Variants in LCP2 observed in about 807,000 individuals in gnomAD.
The protein encoded by LCP2 is lymphocyte cytosolic protein 2.
Under a neutral mutation model 74.5 loss-of-function variants are expected in LCP2, and 29 were observed. The observed-to-expected ratio is 0.39, with a 90% confidence interval of 0.29 to 0.53. The LOEUF is 0.53. Ranked by LOEUF, LCP2 falls within the 20% of genes least tolerant of loss-of-function variation. The pLI, the probability that LCP2 is intolerant of heterozygous loss-of-function variation, is 0.72. For synonymous variants in LCP2, 228 were observed against 229.5 expected (o/e 0.99, Z 0.06); for missense variants, 604 against 634.6 (o/e 0.95, Z 0.52).
rs994561005 is a variant in LCP2 at position 170,248,730 on chromosome 5, C to T, written c.1569G>A (p.Gln523=). ...ACCCTGCAGCATGCGTTAATGTGCA[C>T]TGGTATCTGGAACCTCGGTTTTTCC... ...IDGKNRGSRY[Q]CTLTHAAGYP is the part of the protein sequence containing the mutation. The change falls in exon 21 of 21, where the codon CAG becomes CAA. Residue 523 remains glutamine (Q), a synonymous_variant. Coordinates refer to ENST00000046794, the MANE Select transcript of LCP2 (RefSeq NM_005565.5). 3 of 1,610,764 alleles carry T rather than the reference C, an allele frequency of 1.9e-6. No homozygotes were observed. The highest frequency in any genetic ancestry group is 1.7e-4 in the Middle Eastern group (1 of 6,050).
chr5:170,296,226 G>A lies in LCP2; in HGVS notation c.78+1308C>T, dbSNP rs1392681624. 3.9e-5 allele frequency among the ~76,000 whole-genome samples: 6 copies of A among 152,150 alleles called. No homozygotes were observed. The East Asian group carries it at 7.7e-4, about 20-fold the overall frequency. On this transcript the variant is annotated intron_variant, in intron 1 of 20. Transcript: ENST00000046794. ...AAACATCCTTCAAAAAACCAGTTGCGCAACAATATTTGCTGAAATCTAAGT... is the reference window on the plus strand; with the variant it reads ...AAACATCCTTCAAAAAACCAGTTGCACAACAATATTTGCTGAAATCTAAGT...
Position 170,258,893 on chromosome 5 carries a change from A to C in LCP2, c.958-15T>G, listed in dbSNP as rs888673944. On this transcript the variant is annotated splice_polypyrimidine_tract_variant and intron_variant, in intron 14 of 20. Transcript: ENST00000046794. The stretch of plus-strand genomic sequence containing the variant: ...TCATCTTCATCCTGGGAAGGGGAAG[A>C]AAAAAAAAGATATTAAGCTATCATC... 1.7e-5 allele frequency: 25 copies of C among 1,511,924 alleles called. No individual in the cohort carries two copies. The highest frequency in any genetic ancestry group is 2.3e-5 in the Non-Finnish European group (25 of 1,102,634). The allele number at this position is 1,511,924 out of a possible 1,614,324, so 93.7% of individuals were successfully genotyped here. A position where few individuals can be genotyped will look rare whatever the true frequency, so the allele number is the denominator to read the frequency against.
rs1761325884 is a variant in LCP2, at chr5:170,247,517, TA to T, written c.*1179del. 6.6e-6 allele frequency: 1 copy of T among 152,198 alleles called. No homozygotes were observed. The highest frequency in any genetic ancestry group is 6.5e-5 in the Admixed American group (1 of 15,284). The allele number at this position is 152,198 out of a possible 1,614,324, so 9.4% of individuals were successfully genotyped here. ...ATTGTTGCTAATAAAAGTTGTGCAA[TA>T]ACAACCAAGGTCCCAAAGGGAAAAA... On this transcript the variant is annotated 3_prime_UTR_variant, in exon 21 of 21. Transcript: ENST00000046794.
chr5:170,296,821 TCA>T (rs1418055392), intron 1 of LCP2, among the ~76,000 whole-genome samples: 8 of 152,166 alleles, frequency 5.3e-5, no homozygotes, highest in African/African-American at 1.9e-4. Context: ...TCTAGGGGCC[TCA>T]GTTTTCATAG....
chr5:170,293,715 C>T (rs574234610), intron 1 of LCP2, among the ~76,000 whole-genome samples: 13 of 152,324 alleles, frequency 8.5e-5, no homozygotes, highest in East Asian at 7.7e-4. Context: ...TGCCCAGAGA[C>T]GACCTCGGTG....
chr5:170,289,611 CTT>C (rs1554141402), intron 2 of LCP2, among the ~76,000 whole-genome samples: 3 of 143,814 alleles, frequency 2.1e-5, no homozygotes, highest in African/African-American at 8.1e-5. Flanking sequence ...TTCTTTCTTT[CTT>C]TCTTTTTCTT....
chr5:170,268,512 A>G (rs1427399808), intron 7 of LCP2, 30 bp from the exon 8 acceptor site: 1 of 234,520 alleles, frequency 4.3e-6, no homozygotes, highest in South Asian at 4.7e-5. Flanking sequence ...TTAAAGTGAA[A>G]GGGGAGTATC....
At chr5:170,270,105 A>G (rs1162618804) in intron 7 of LCP2, among the ~76,000 whole-genome samples, 1 of 152,200 alleles carries the variant, frequency 6.6e-6, no homozygotes, top group Non-Finnish European at 1.5e-5. Flanking sequence ...AAGCCCCAGG[A>G]GGCAGGGGCT....
chr5:170,256,542 T>C lies in LCP2; in HGVS notation c.1134A>G (p.Pro378=), dbSNP rs1761555118. 1 of 1,613,268 alleles carries C rather than the reference T, an allele frequency of 6.2e-7. No individual in the cohort carries two copies. Among genetic ancestry groups the C allele is most frequent in the African/African-American group, 1.3e-5 (1 of 75,014 alleles). The change falls in exon 17 of 21, where the codon CCA becomes CCG. Residue 378 remains proline, a synonymous_variant. Coordinates refer to ENST00000046794, the MANE Select transcript of LCP2 (RefSeq NM_005565.5). The surrounding 1 kb of genome is among the most constrained non-coding windows in gnomAD (Gnocchi z 4.5). ...NSSFPQSASL[P]PYFSQGPSNR... Reference sequence around the variant, plus strand: ...AGTACAAACCTTGAGAGAAGTATGGTGGCAGGGAGGCACTCTGTGGAAAAC... The same window carrying C: ...AGTACAAACCTTGAGAGAAGTATGGCGGCAGGGAGGCACTCTGTGGAAAAC...
chr5:170,249,091 G>C (rs1004056821), intron 20 of LCP2, among the ~76,000 whole-genome samples: 4 of 152,164 alleles, frequency 2.6e-5, no homozygotes, highest in African/African-American at 9.7e-5. Context: ...GGAGGCTAAG[G>C]CCGGTGGATC....
chr5:170,257,875 C>T (rs370727896), intron 16 of LCP2, among the ~76,000 whole-genome samples, 162 bp downstream of exon 16: 2 of 152,128 alleles, frequency 1.3e-5, no homozygotes, highest in Non-Finnish European at 2.9e-5. Flanking sequence ...ATTAACATAT[C>T]GTTCTTAATG....
chr5:170,256,762 G>A lies in LCP2; in HGVS notation c.1101-187C>T, dbSNP rs1445981086. 6.6e-6 allele frequency among the ~76,000 whole-genome samples: 1 copy of A among 152,108 alleles called. No homozygotes were observed. Among genetic ancestry groups the A allele is most frequent in the Admixed American group, 6.5e-5 (1 of 15,276 alleles). ...CACACAGGGAATGGAACTACATTCC[G>A]CTGTGGACCATGCCAAAGTCTAACA... On this transcript the variant is annotated intron_variant, in intron 16 of 20. Transcript: ENST00000046794. The surrounding 1 kb of genome is among the most constrained non-coding windows in gnomAD (Gnocchi z 4.5).
At chr5:170,278,032 T>C (rs1010013201) in intron 3 of LCP2, among the ~76,000 whole-genome samples, 2 of 151,338 alleles carry the variant, frequency 1.3e-5, no homozygotes, top group African/African-American at 4.9e-5. Flanking sequence ...TAAGTGGTTG[T>C]TTCAAGAAGA....
intron 1 of LCP2, among the ~76,000 whole-genome samples, chr5:170,294,915 C>A (rs556059483): frequency 6.6e-6 from 1 of 152,220 alleles, no homozygotes; most frequent in Non-Finnish European, 1.5e-5. Flanking sequence ...GATTCTGCTC[C>A]AGCAAGATCT....
rs1761563235 is a variant in LCP2, at chr5:170,256,940, A to G, written c.1101-365T>C. On this transcript the variant is annotated intron_variant, in intron 16 of 20. Coordinates refer to ENST00000046794, the MANE Select transcript of LCP2 (RefSeq NM_005565.5). This position sits in a 1 kb window ranked among gnomAD's most constrained non-coding sequence, Gnocchi z 4.5. ...TCCCTTTTGCTAGGAAATTATATTA[A>G]TGGGCTTGTCTTTGGTGAGCAGTGA... 6.6e-6 allele frequency among the ~76,000 whole-genome samples: 1 copy of G among 152,162 alleles called. No homozygotes were observed. Among genetic ancestry groups the G allele is most frequent in the Admixed American group, 6.5e-5 (1 of 15,286 alleles).
chr5:170,279,348 T>C (rs1762064110), intron 3 of LCP2, among the ~76,000 whole-genome samples: 1 of 152,166 alleles, frequency 6.6e-6, no homozygotes. Context: ...CTCCTGGTAA[T>C]GTACAAGGTA....
At chr5:170,253,335 C>G (rs1309295281) in intron 17 of LCP2, 122 bp from the exon 18 acceptor site, 3 of 549,218 alleles carry the variant, frequency 5.5e-6, no homozygotes, top group Middle Eastern at 3.2e-4. Context: ...TCCTATAGTT[C>G]GCATTTTAAG....
chr5:170,264,167 C>T (rs1248530776), intron 10 of LCP2, among the ~76,000 whole-genome samples: 2 of 152,210 alleles, frequency 1.3e-5, no homozygotes, highest in Non-Finnish European at 2.9e-5. Flanking sequence ...TCTCAAGGAG[C>T]GATATTGTAA....
intron 3 of LCP2, among the ~76,000 whole-genome samples, chr5:170,286,680 C>A (rs1185729630): frequency 6.6e-6 from 1 of 152,220 alleles, no homozygotes; most frequent in Non-Finnish European, 1.5e-5. Context: ...AGATAGACAG[C>A]ACCAAAGGCA....
Sources: allele counts gnomAD v4.1 joint callset (sites outside exome capture counted in the v4.1 genomes callset), GRCh38; gene constraint gnomAD v4.1.1; non-coding constraint Gnocchi (gnomAD v3.1); transcripts MANE v1.5; gene names NCBI Gene and HGNC (gene_info 2026-07-23, HGNC 2026-07-21).